OSR1: variants seen among roughly 807,000 people sequenced by gnomAD.
The protein encoded by OSR1 is odd-skipped related transcription factor 1.
In OSR1, 3 loss-of-function variants were observed where a neutral mutation model predicts 15.7. The observed-to-expected ratio is 0.19, with a 90% CI of 0.09 to 0.50. The LOEUF (loss-of-function observed/expected upper bound fraction) is 0.50. Ranked by LOEUF, OSR1 falls within the 20% of genes least tolerant of loss-of-function variation. The pLI is 0.97. For synonymous variants in OSR1, 166 were observed against 152.7 expected (o/e 1.09, Z -0.64); for missense variants, 271 against 351.1 (o/e 0.77, Z 1.82).
chr2:19,349,960 G>A (rs1457311413), downstream of OSR1, among the ~76,000 whole-genome samples: 3 of 152,176 alleles, frequency 2.0e-5, no homozygotes, highest in Non-Finnish European at 4.4e-5. Flanking sequence ...CCGCTTGGGC[G>A]CAGACCGTCT....
At chr2:19,347,557 T>C (rs1207570627), downstream of OSR1, among the ~76,000 whole-genome samples, 5 of 152,218 alleles carry the variant, frequency 3.3e-5, no homozygotes, top group South Asian at 6.2e-4. Context: ...CCGTAATGAA[T>C]TTTTCATCTG....
Position 19,353,662 on chromosome 2 carries a change from G to A in OSR1, c.144C>T (p.His48=), listed in dbSNP as rs770726635. 4.3e-6 allele frequency: 7 copies of A among 1,614,126 alleles called. No homozygotes were observed. Among genetic ancestry groups the A allele is most frequent in the South Asian group, 1.1e-5 (1 of 91,090 alleles). ...GCGTCCACTGATGCAGGTGCACAGC[G>A]TGCAACGCGCTGAAACCATACAGGT... ...LPNLYGFSAL[H]AVHLHQWTLG... The change falls in exon 2 of 3, where the codon CAC becomes CAT. Residue 48 remains histidine, a synonymous_variant. Coordinates refer to ENST00000272223, the MANE Select transcript of OSR1 (RefSeq NM_145260.3).
intron 1 of OSR1, chr2:19,356,826 G>C (rs1664960173): frequency 6.6e-6 from 1 of 152,284 alleles, no homozygotes; most frequent in Admixed American, 6.5e-5. Context: ...CCAGGTCTGC[G>C]GCCAGTCCTA....
chr2:19,348,632 C>G (rs983040354), downstream of OSR1: 12 of 154,352 alleles, frequency 7.8e-5, no homozygotes, highest in Admixed American at 7.2e-4. Flanking sequence ...ACATTGCGTC[C>G]CTCCCCACAA....
In OSR1 at chr2:19,352,102, G is replaced by A. The variant is rs1664852654; in HGVS notation, c.*173C>T. On this transcript the variant is annotated 3_prime_UTR_variant, in exon 3 of 3. Transcript: ENST00000272223. ...GAGCAGCAGGGACGGTCGGGGTCGC[G>A]GCCCCGGGCGGGGCTCTGAAGTGCC... 7.9e-6 allele frequency: 5 copies of A among 633,900 alleles called. No homozygotes were observed. The highest frequency in any genetic ancestry group is 5.5e-5 in the African/African-American group (3 of 54,418). The allele number at this position is 633,900 out of a possible 1,614,324, so 39.3% of individuals were successfully genotyped here. A position where few individuals can be genotyped will look rare whatever the true frequency, so the allele number is the denominator to read the frequency against.
downstream of OSR1, chr2:19,348,643 T>G (rs900123992): frequency 6.5e-6 from 1 of 154,082 alleles, no homozygotes; most frequent in Non-Finnish European, 1.5e-5. Context: ...CTCCCCACAA[T>G]GTGAGCAGTG....
intron 2 of OSR1, 98 bp downstream of exon 2, chr2:19,353,043 G>T (rs567591721): frequency 1.4e-6 from 2 of 1,396,512 alleles, no homozygotes; most frequent in Admixed American, 4.1e-5. Context: ...AGCTCCAGAG[G>T]CTTGGAGCCA....
chr2:19,355,178 G>T (rs1375412157), intron 1 of OSR1: 1 of 152,250 alleles, frequency 6.6e-6, no homozygotes, highest in Admixed American at 6.5e-5. Context: ...TTAGCTTGGG[G>T]CTACTTAAGA....
downstream of OSR1, among the ~76,000 whole-genome samples, chr2:19,350,155 A>G (rs1664808288): frequency 6.6e-6 from 1 of 152,174 alleles, no homozygotes; most frequent in South Asian, 2.1e-4. Flanking sequence ...CCTGCCCCTC[A>G]TCCACAGTGG....
At chr2:19,345,890 T>C in the OSR1 span, among the ~76,000 whole-genome samples, 1 of 152,230 alleles carries the variant, frequency 6.6e-6, no homozygotes, top group African/African-American at 2.4e-5. Flanking sequence ...CCAAGCAAAT[T>C]TCAATATTTA....
intron 1 of OSR1, chr2:19,355,094 G>A (rs1253321334): frequency 1.3e-5 from 2 of 152,250 alleles, no homozygotes; most frequent in Non-Finnish European, 2.9e-5. Flanking sequence ...GTGTCCAGTG[G>A]AGGAAAGAAC....
downstream of OSR1, chr2:19,346,858 C>T (rs1664738309): frequency 6.6e-6 from 1 of 152,290 alleles, no homozygotes; most frequent in African/African-American, 2.4e-5. Flanking sequence ...TGCAGTCACA[C>T]TTGCCACATA....
At chr2:19,354,769 T>C (rs1664916861) in intron 1 of OSR1, 1 of 152,214 alleles carries the variant, frequency 6.6e-6, no homozygotes, top group Non-Finnish European at 1.5e-5. Flanking sequence ...CAAGGGGGTG[T>C]TAGTGCCCTC....
At chr2:19,356,401 G>T (rs1175797439) in intron 1 of OSR1, 1 of 152,312 alleles carries the variant, frequency 6.6e-6, no homozygotes, top group Non-Finnish European at 1.5e-5. Flanking sequence ...GGAAGCCAGT[G>T]CTCCCCAGGC....
In OSR1 at chr2:19,353,278, G is replaced by A; in HGVS notation, c.528C>T (p.Val176=). 1.2e-6 allele frequency: 2 copies of A among 1,614,258 alleles called. No homozygotes were observed. Among genetic ancestry groups the A allele is most frequent in the Non-Finnish European group, 1.7e-6 (2 of 1,180,052 alleles). ...TGAAGTGGCGGCCACAGAACTTGCAGACGAATTCCTTCTTGGTCTTGGAAG... is the reference window on the plus strand; with the variant it reads ...TGAAGTGGCGGCCACAGAACTTGCAAACGAATTCCTTCTTGGTCTTGGAAG... ...RLPSKTKKEF[V]CKFCGRHFTK... is the part of the protein sequence containing the mutation. The change falls in exon 2 of 3, where the codon GTC becomes GTT. Residue 176 remains valine, a synonymous_variant. Coordinates refer to ENST00000272223, the MANE Select transcript of OSR1 (RefSeq NM_145260.3).
chr2:19,354,387 T>TCACACACACA (rs1275305005), intron 1 of OSR1: 7 of 131,446 alleles, frequency 5.3e-5, no homozygotes, highest in African/African-American at 2.0e-4. Context: ...AACCCCTGAA[T>TCACACACACA]CTCACACACA....
At chr2:19,353,120 G>A (rs1215317823) in intron 2 of OSR1, 21 bp downstream of exon 2, 2 of 1,610,712 alleles carry the variant, frequency 1.2e-6, no homozygotes, top group Admixed American at 3.3e-5. Context: ...GCTCTCTCTT[G>A]CGCCACCCGC....
downstream of OSR1, among the ~76,000 whole-genome samples, chr2:19,349,998 C>T (rs1296407718): frequency 6.6e-6 from 1 of 152,224 alleles, no homozygotes; most frequent in Admixed American, 6.5e-5. Context: ...ACTGGCTAGC[C>T]CCACTTCCAC....
At chr2:19,347,516 T>C (rs533578107), downstream of OSR1, among the ~76,000 whole-genome samples, 1 of 152,190 alleles carries the variant, frequency 6.6e-6, no homozygotes, top group Admixed American at 6.5e-5. Flanking sequence ...GCCACTGACA[T>C]GAGATTTGTC....
Sources: gnomAD v4.1 joint callset for allele counts (sites outside exome capture counted in the v4.1 genomes callset) on GRCh38, gnomAD v4.1.1 for gene constraint, MANE v1.5 for transcripts, NCBI Gene and HGNC (gene_info 2026-07-23, HGNC 2026-07-21) for gene names.